The following SDC2 variants were observed in gnomAD, a reference collection of about 807,000 sequenced individuals.
SDC2 encodes the protein syndecan 2.
In SDC2, 13 loss-of-function variants were observed where a neutral mutation model predicts 22.2. That is an observed-to-expected ratio of 0.59 (90% CI 0.38 to 0.93). The LOEUF (loss-of-function observed/expected upper bound fraction) is 0.93, where lower values mean the gene tolerates loss of function less well. SDC2 is among the 40% of genes least tolerant of loss of function. The pLI is 0.00. For missense variants in SDC2, 235 were observed against 246.8 expected (o/e 0.95, Z 0.32); for synonymous variants, 94 against 92.8 (o/e 1.01, Z -0.07).
chr8:96,562,238 T>C (rs1309586121), intron 1 of SDC2, among the ~76,000 whole-genome samples: 3 of 152,262 alleles, frequency 2.0e-5, no homozygotes, highest in Non-Finnish European at 2.9e-5. Context: ...GTTCCAGCTC[T>C]ATTTGTTGAA....
At chr8:96,606,246 G>GC (rs994873129) in intron 3 of SDC2, among the ~76,000 whole-genome samples, 2 of 151,186 alleles carry the variant, frequency 1.3e-5, no homozygotes, top group African/African-American at 4.9e-5. Flanking sequence ...CAGGTACACA[G>GC]CACCATGCCT....
At chr8:96,555,488 A>G (rs544005621) in intron 1 of SDC2, among the ~76,000 whole-genome samples, 12 of 152,260 alleles carry the variant, frequency 7.9e-5, no homozygotes, top group African/African-American at 2.9e-4. Context: ...TTTCATGTTT[A>G]CAGAGCATCA....
intron 1 of SDC2, among the ~76,000 whole-genome samples, chr8:96,526,067 G>C (rs771165700): frequency 1.2e-4 from 18 of 151,238 alleles, no homozygotes; most frequent in Non-Finnish European, 2.4e-4. Context: ...GGTAGAGTTA[G>C]TCATGGCTTT....
At chr8:96,545,966 G>A (rs1202868655) in intron 1 of SDC2, among the ~76,000 whole-genome samples, 1 of 152,236 alleles carries the variant, frequency 6.6e-6, no homozygotes, top group African/African-American at 2.4e-5. Context: ...ATCCCCTGAG[G>A]TGATGCGTGC....
intron 1 of SDC2, among the ~76,000 whole-genome samples, chr8:96,564,077 T>C (rs1313129106): frequency 1.3e-5 from 2 of 152,206 alleles, no homozygotes; most frequent in Non-Finnish European, 2.9e-5. Flanking sequence ...GGCCTAGGCA[T>C]TGTCTTGCAG....
intron 1 of SDC2, among the ~76,000 whole-genome samples, chr8:96,556,669 C>T (rs1319672496): frequency 2.0e-5 from 3 of 152,070 alleles, no homozygotes; most frequent in East Asian, 1.9e-4. Context: ...ACCATAAAAA[C>T]CCTAGAAGAA....
intron 1 of SDC2, among the ~76,000 whole-genome samples, chr8:96,575,093 G>A (rs1332906331): frequency 6.6e-6 from 1 of 152,178 alleles, no homozygotes; most frequent in Non-Finnish European, 1.5e-5. Flanking sequence ...CCTCTGCTGT[G>A]CAGCCTGGTT....
At chr8:96,604,643 A>G (rs1815047918) in intron 3 of SDC2, among the ~76,000 whole-genome samples, 1 of 152,144 alleles carries the variant, frequency 6.6e-6, no homozygotes, top group Admixed American at 6.6e-5. Context: ...TGTTACGGAT[A>G]TCCTATCTAG....
rs781657660 is a variant in SDC2, at chr8:96,609,414, C to T, written c.472C>T (p.Leu158Phe). 2 of 1,612,384 alleles carry T rather than the reference C, an allele frequency of 1.2e-6. No individual in the cohort carries two copies. Among genetic ancestry groups the T allele is most frequent in the Admixed American group, 3.3e-5 (2 of 59,702 alleles). ...CATTGCTGGTGGAGTTATTGGCTTT[C>T]TCTTTGCAATTTTTCTTATCCTGCT... The part of the protein sequence containing the change: ...AVIAGGVIGF[L>F]FAIFLILLLV... The change falls in exon 5 of 5, where the codon CTC becomes TTC. Residue 158 changes from leucine (L) to phenylalanine (F), a missense_variant. Transcript: ENST00000302190.
chr8:96,502,478 A>C (rs538103861), intron 1 of SDC2, among the ~76,000 whole-genome samples: 9 of 93,724 alleles, frequency 9.6e-5, no homozygotes, highest in Non-Finnish European at 2.5e-4. Context: ...TAGATAGAAG[A>C]CTACATGACT....
At chr8:96,501,972 T>A (rs1282105173) in intron 1 of SDC2, among the ~76,000 whole-genome samples, 1 of 134,348 alleles carries the variant, frequency 7.4e-6, no homozygotes, top group East Asian at 2.2e-4. Flanking sequence ...TACCTTGAAC[T>A]GAGTGTTCAT....
chr8:96,537,944 G>GT (rs55868440), intron 1 of SDC2, among the ~76,000 whole-genome samples: 84,900 of 150,930 alleles, frequency 0.56, 25,471 homozygotes, highest in Non-Finnish European at 0.69. Flanking sequence ...TAAAGCTTAT[G>GT]TTTTGTTTTT....
At chr8:96,519,470 G>A (rs985181573) in intron 1 of SDC2, among the ~76,000 whole-genome samples, 1 of 152,090 alleles carries the variant, frequency 6.6e-6, no homozygotes, top group African/African-American at 2.4e-5. Flanking sequence ...GAGTGATCTG[G>A]TTGGAGGTTG....
intron 1 of SDC2, among the ~76,000 whole-genome samples, chr8:96,519,347 G>A (rs571197569): frequency 3.6e-4 from 55 of 152,232 alleles, no homozygotes; most frequent in African/African-American, 1.2e-3. Flanking sequence ...ATTGATTAGT[G>A]ATGTTTACTT....
chr8:96,563,743 G>C (rs916675805), intron 1 of SDC2, among the ~76,000 whole-genome samples: 3 of 152,208 alleles, frequency 2.0e-5, no homozygotes, highest in Admixed American at 1.3e-4. Context: ...TGGTTATTCA[G>C]ATCTGTGCAT....
chr8:96,540,272 G>A (rs375292383), intron 1 of SDC2, among the ~76,000 whole-genome samples: 17 of 150,268 alleles, frequency 1.1e-4, no homozygotes, highest in African/African-American at 3.2e-4. Context: ...TGGGTGGATT[G>A]CTTGAGCTTG....
intron 1 of SDC2, among the ~76,000 whole-genome samples, chr8:96,516,869 G>A (rs763421566): frequency 3.3e-5 from 5 of 152,114 alleles, no homozygotes; most frequent in Non-Finnish European, 5.9e-5. Context: ...TGGCTATTAG[G>A]AGTAATGCCG....
At chr8:96,569,054 G>A (rs960062288) in intron 1 of SDC2, among the ~76,000 whole-genome samples, 1 of 152,168 alleles carries the variant, frequency 6.6e-6, no homozygotes, top group African/African-American at 2.4e-5. Context: ...GTTTTCCCCA[G>A]GCTAGAGTAC....
intron 1 of SDC2, among the ~76,000 whole-genome samples, chr8:96,513,889 T>C (rs1181163811): frequency 1.3e-5 from 2 of 152,174 alleles, no homozygotes; most frequent in Non-Finnish European, 2.9e-5. Context: ...TTACTGAGGA[T>C]CTTTAGAGGA....
Sources: allele counts gnomAD v4.1 joint callset (sites outside exome capture counted in the v4.1 genomes callset), GRCh38; gene constraint gnomAD v4.1.1; transcripts MANE v1.5; gene names NCBI Gene and HGNC (gene_info 2026-07-23, HGNC 2026-07-21).